VIPR2: variants seen among roughly 807,000 people sequenced by gnomAD.
The protein encoded by VIPR2 is vasoactive intestinal polypeptide receptor 2.
A neutral mutation model predicts 58.0 loss-of-function variants in VIPR2; 48 were observed. The observed-to-expected ratio is 0.83, with a 90% CI of 0.66 to 1.05. The LOEUF (loss-of-function observed/expected upper bound fraction) is 1.05. VIPR2 is among the 50% of genes least tolerant of loss of function. The pLI, the probability that VIPR2 is intolerant of heterozygous loss-of-function variation, is 0.00. For missense variants in VIPR2, 534 were observed against 558.0 expected (o/e 0.96, Z 0.43); for synonymous variants, 243 against 235.2 (o/e 1.03, Z -0.30).
intron 2 of VIPR2, among the ~76,000 whole-genome samples, chr7:159,136,727 G>A (rs976225200): frequency 3.3e-5 from 5 of 152,140 alleles, no homozygotes; most frequent in African/African-American, 4.8e-5. Flanking sequence ...AGGAGGCCCC[G>A]ACAGACAACA....
At chr7:159,056,356 G>A (rs982547693) in intron 5 of VIPR2, among the ~76,000 whole-genome samples, 7 of 152,024 alleles carry the variant, frequency 4.6e-5, no homozygotes, top group Non-Finnish European at 1.0e-4. Flanking sequence ...CCTGAGAATA[G>A]GCCATACTTC....
chr7:159,050,236 C>T (rs1283426060), intron 5 of VIPR2, among the ~76,000 whole-genome samples: 2 of 151,786 alleles, frequency 1.3e-5, no homozygotes, highest in African/African-American at 4.8e-5. Context: ...ACTTGAGAGA[C>T]TGAGGCAGGA....
At chr7:159,130,546 A>G (rs923163547) in intron 2 of VIPR2, among the ~76,000 whole-genome samples, 1 of 151,818 alleles carries the variant, frequency 6.6e-6, no homozygotes, top group African/African-American at 2.4e-5. Flanking sequence ...CAGCCCACTG[A>G]GGACCATTTC....
rs1244691487 is a variant in VIPR2, at chr7:159,033,137, ACATT to A, written c.971+1072_972-1071del. Reference sequence around the variant, plus strand: ...TGCATTGATCCTCCTGACCTTAGTGACATTATTACTTCCATGTTACAGATGGGGA... The same window carrying A: ...TGCATTGATCCTCCTGACCTTAGTGAATTACTTCCATGTTACAGATGGGGA... On this transcript the variant is annotated intron_variant, in intron 10 of 12. Transcript: ENST00000262178. 4.6e-5 allele frequency among the ~76,000 whole-genome samples: 7 copies of A among 152,226 alleles called. 1 individual carries two copies. The highest frequency in any genetic ancestry group is 1.7e-4 in the African/African-American group (7 of 41,452).
rs891052729 is a variant in VIPR2, at chr7:159,127,148, G to A, written c.151+15298C>T. Among the ~76,000 whole-genome samples, 3 of 152,186 alleles carry A rather than the reference G, an allele frequency of 2.0e-5. No homozygotes were observed. The highest frequency in any genetic ancestry group is 4.4e-5 in the Non-Finnish European group (3 of 68,038). On this transcript the variant is annotated intron_variant, in intron 2 of 12. Coordinates refer to ENST00000262178, the MANE Select transcript of VIPR2 (RefSeq NM_003382.5). The surrounding 1 kb of genome is among the most constrained non-coding windows in gnomAD (Gnocchi z 4.6). ...GATTTTCTTCAGATGACTCAGATACGCTGACATTCTGTCTAATTAGTGCGC... is the reference window on the plus strand; with the variant it reads ...GATTTTCTTCAGATGACTCAGATACACTGACATTCTGTCTAATTAGTGCGC...
At chr7:159,126,135 G>A (rs1409427770) in intron 2 of VIPR2, among the ~76,000 whole-genome samples, 6 of 152,174 alleles carry the variant, frequency 3.9e-5, no homozygotes, top group African/African-American at 1.2e-4. Context: ...ATGCTGAAAC[G>A]GTGGCCCACA....
At chr7:159,100,376 C>T (rs1347905041) in intron 4 of VIPR2, among the ~76,000 whole-genome samples, 1 of 152,070 alleles carries the variant, frequency 6.6e-6, no homozygotes, top group Non-Finnish European at 1.5e-5. Context: ...ACCTTATCCA[C>T]TGAACACAAT....
chr7:159,109,545 C>T (rs1250859019), intron 3 of VIPR2, among the ~76,000 whole-genome samples: 2 of 152,180 alleles, frequency 1.3e-5, no homozygotes, highest in African/African-American at 4.8e-5. Flanking sequence ...ATGCACGTTT[C>T]CCGTGCTTTG....
chr7:159,062,334 G>T (rs1368162535), intron 4 of VIPR2, among the ~76,000 whole-genome samples: 1 of 152,158 alleles, frequency 6.6e-6, no homozygotes, highest in Non-Finnish European at 1.5e-5. Flanking sequence ...TCACTGACTT[G>T]AAGAACTAAG....
intron 4 of VIPR2, among the ~76,000 whole-genome samples, chr7:159,062,300 T>C (rs1855730321): frequency 6.6e-6 from 1 of 152,146 alleles, no homozygotes; most frequent in Non-Finnish European, 1.5e-5. Context: ...TGGCGAGGTG[T>C]TCGTAATTCG....
chr7:159,040,601 A>G (rs755241682), intron 6 of VIPR2, among the ~76,000 whole-genome samples: 12 of 152,230 alleles, frequency 7.9e-5, no homozygotes, highest in African/African-American at 1.9e-4. Flanking sequence ...GCTGATCCTA[A>G]TATCATGAGA....
intron 4 of VIPR2, among the ~76,000 whole-genome samples, chr7:159,065,121 C>T (rs1376141169): frequency 1.3e-5 from 2 of 152,204 alleles, no homozygotes; most frequent in East Asian, 3.8e-4. Flanking sequence ...TTTCTTGGCT[C>T]TCCTAAAGGC....
At chr7:159,102,526 C>G (rs1858361282) in intron 4 of VIPR2, among the ~76,000 whole-genome samples, 1 of 152,246 alleles carries the variant, frequency 6.6e-6, no homozygotes, top group African/African-American at 2.4e-5. Flanking sequence ...ATATTGGTTA[C>G]TGTATAAGAT....
chr7:159,118,515 GC>G (rs1026417925), intron 2 of VIPR2, among the ~76,000 whole-genome samples: 36 of 152,166 alleles, frequency 2.4e-4, no homozygotes, highest in Admixed American at 2.0e-3. Flanking sequence ...CTCTTCCTGT[GC>G]AGTGCTTCCA....
In VIPR2 at chr7:159,144,867, C is replaced by G; in HGVS notation, c.-96G>C. 2.6e-6 allele frequency: 3 copies of G among 1,149,246 alleles called. No homozygotes were observed. Among genetic ancestry groups the G allele is most frequent in the Non-Finnish European group, 3.3e-6 (3 of 915,692 alleles). 71.2% of individuals were successfully genotyped at this position (1,149,246 alleles called of 1,614,324 possible). A position where few individuals can be genotyped will look rare whatever the true frequency, so the allele number is the denominator to read the frequency against. Reference sequence around the variant, plus strand: ...CTCCAGCATGGGCCGGGAGCGAGTGCGCGGAGACCTCGGGCCCCGCAGCTG... The same window carrying G: ...CTCCAGCATGGGCCGGGAGCGAGTGGGCGGAGACCTCGGGCCCCGCAGCTG... On this transcript the variant is annotated 5_prime_UTR_variant, in exon 1 of 13. Transcript: ENST00000262178.
intron 1 of VIPR2, chr7:159,144,265 C>A: frequency 2.2e-6 from 3 of 1,338,886 alleles, no homozygotes; most frequent in Non-Finnish European, 2.9e-6. Flanking sequence ...CTTTATTTAA[C>A]CGACGCCACG....
intron 6 of VIPR2, among the ~76,000 whole-genome samples, chr7:159,038,438 A>G (rs1191987359): frequency 5.9e-5 from 9 of 152,198 alleles, no homozygotes. Flanking sequence ...CTCAGATCCC[A>G]GCAAGTTCTG....
intron 2 of VIPR2, among the ~76,000 whole-genome samples, chr7:159,110,650 C>T (rs144456258): frequency 9.7e-4 from 147 of 151,972 alleles, no homozygotes; most frequent in African/African-American, 3.3e-3. Context: ...TTACCTTTTA[C>T]TTAAACCTCA....
At chr7:159,059,340 T>G (rs189937164) in intron 4 of VIPR2, 42 of 471,434 alleles carry the variant, frequency 8.9e-5, no homozygotes, top group African/African-American at 6.0e-4. Context: ...GTCTGCATTT[T>G]CTTGATAAAG....
Sources: allele counts gnomAD v4.1 joint callset (sites outside exome capture counted in the v4.1 genomes callset), GRCh38; gene constraint gnomAD v4.1.1; non-coding constraint Gnocchi (gnomAD v3.1); transcripts MANE v1.5; gene names NCBI Gene and HGNC (gene_info 2026-07-23, HGNC 2026-07-21).